Variants in CCDC149 observed in about 807,000 individuals in gnomAD.
CCDC149 encodes the protein coiled-coil domain containing 149.
In CCDC149, 45 loss-of-function variants were observed where a neutral mutation model predicts 59.9. That is an observed-to-expected ratio of 0.75 (90% confidence interval 0.59 to 0.96). The LOEUF is 0.96. CCDC149 is among the 40% of genes least tolerant of loss of function. CCDC149 has a pLI of 0.00. For missense variants in CCDC149, 584 were observed against 664.7 expected (o/e 0.88, Z 1.33); for synonymous variants, 245 against 260.6 (o/e 0.94, Z 0.58).
intron 1 of CCDC149, among the ~76,000 whole-genome samples, chr4:24,952,595 CAAAAAAAAAAAAAAAAA>C (rs869310845): frequency 7.2e-5 from 3 of 41,414 alleles, no homozygotes; most frequent in Non-Finnish European, 1.1e-4. Context: ...AACTCCATCT[CAAAAAAAAAAAAAAAAA>C]AAAAAAAAAA....
chr4:24,891,521 C>T (rs1720527823), intron 1 of CCDC149, among the ~76,000 whole-genome samples: 1 of 152,222 alleles, frequency 6.6e-6, no homozygotes, highest in Non-Finnish European at 1.5e-5. Context: ...TGACCACCAC[C>T]ATCATCACCT....
rs756727631 is a variant in CCDC149, at chr4:24,808,819, C to T, written c.1193G>A (p.Gly398Glu). Residue 398 changes from glycine to glutamate, a missense_variant and splice_region_variant, in exon 13 of 13, where the codon GGG becomes GAG. By Grantham distance (98) the Gly-to-Glu change is moderately conservative. Coordinates refer to ENST00000635206, the MANE Select transcript of CCDC149 (RefSeq NM_001330643.2). ...ATCTTCTTCTTGCTTCTGAGCCTCC[C>T]CTGAAAACAGAACGAGGACAACATT... is the stretch of plus-strand genomic sequence containing the variant. 3.2e-6 allele frequency: 5 copies of T among 1,544,328 alleles called. No homozygotes were observed. Among genetic ancestry groups the T allele is most frequent in the East Asian group, 2.4e-5 (1 of 40,866 alleles).
At position 24,831,630 on chromosome 4, in the gene CCDC149, C is replaced by G. The variant is rs1577390817; in HGVS notation, c.841G>C (p.Asp281His). 6.2e-7 allele frequency: 1 copy of G among 1,613,974 alleles called. No homozygotes were observed. Among genetic ancestry groups the G allele is most frequent in the African/African-American group, 1.3e-5 (1 of 75,010 alleles). Residue 281 changes from aspartate to histidine, a missense_variant, in exon 9 of 13, where the codon GAT becomes CAT. Coordinates refer to ENST00000635206, the MANE Select transcript of CCDC149 (RefSeq NM_001330643.2). ...GTAGCTGGGAGGCTGCATCCATGATCCTCAGATAGCAGATCCTGAACTAGA... is the reference window on the plus strand; with the variant it reads ...GTAGCTGGGAGGCTGCATCCATGATGCTCAGATAGCAGATCCTGAACTAGA...
At chr4:24,842,559 G>A (rs575549157) in intron 4 of CCDC149, among the ~76,000 whole-genome samples, 6 of 152,302 alleles carry the variant, frequency 3.9e-5, no homozygotes, top group South Asian at 2.1e-4. Context: ...ACCAATAGAC[G>A]CATTCAGTTG....
At chr4:24,831,279 G>C (rs751925245) in intron 9 of CCDC149, 73 of 527,950 alleles carry the variant, frequency 1.4e-4, no homozygotes, top group Middle Eastern at 1.0e-3. Context: ...GTAGCTCAGA[G>C]TAAGCATTCA....
chr4:24,859,451 G>A (rs1167346522), intron 3 of CCDC149, among the ~76,000 whole-genome samples: 2 of 152,034 alleles, frequency 1.3e-5, no homozygotes, highest in African/African-American at 2.4e-5. Flanking sequence ...ATACCTTAAG[G>A]TAATAAAAGC....
intron 1 of CCDC149, among the ~76,000 whole-genome samples, chr4:24,905,045 G>A (rs761893866): frequency 2.0e-5 from 3 of 151,988 alleles, no homozygotes; most frequent in Non-Finnish European, 4.4e-5. Context: ...GGGATTACAG[G>A]TGCACACCAC....
In CCDC149 at chr4:24,837,201, C is replaced by T. The variant is rs762091842; in HGVS notation, c.662+27G>A. 5.0e-6 allele frequency: 8 copies of T among 1,607,944 alleles called. No individual in the cohort carries two copies. In the East Asian group the frequency reaches 6.7e-5, roughly 13 times the overall value. On this transcript the variant is annotated intron_variant, in intron 6 of 12. Transcript: ENST00000635206. The surrounding 1 kb of genome is among the most constrained non-coding windows in gnomAD (Gnocchi z 4.3). ...CTGTGCAGAGCCAGCCTTCCTCCCACGCACAGGCCTGGGCCTGGCCACTTG... is the reference window on the plus strand; with the variant it reads ...CTGTGCAGAGCCAGCCTTCCTCCCATGCACAGGCCTGGGCCTGGCCACTTG...
intron 1 of CCDC149, among the ~76,000 whole-genome samples, chr4:24,944,232 AGTTCAT>A (rs919425124): frequency 2.0e-5 from 3 of 152,360 alleles, no homozygotes; most frequent in Admixed American, 1.3e-4. Context: ...AAAAATGATG[AGTTCAT>A]GTCCTTTGTA....
rs536796452 is a variant in CCDC149, at chr4:24,871,862, A to AT, written c.264+1818dup. 2.0e-5 allele frequency among the ~76,000 whole-genome samples: 3 copies of AT among 152,204 alleles called. No homozygotes were observed. In the South Asian group the frequency reaches 6.2e-4, roughly 32 times the overall value. ...ATCAGATTCTCCTTAGTCAATGTAAATTTTTTTTATTATAAAGCCACAGAA... is the reference window on the plus strand; with the variant it reads ...ATCAGATTCTCCTTAGTCAATGTAAATTTTTTTTTATTATAAAGCCACAGAA... On this transcript the variant is annotated intron_variant, in intron 3 of 12. Coordinates refer to ENST00000635206, the MANE Select transcript of CCDC149 (RefSeq NM_001330643.2).
At chr4:24,960,611 G>A (rs553916985) in intron 1 of CCDC149, among the ~76,000 whole-genome samples, 110 of 152,072 alleles carry the variant, frequency 7.2e-4, no homozygotes, top group Non-Finnish European at 9.7e-4. Flanking sequence ...GTGACTATAC[G>A]AATATCACAT....
intron 3 of CCDC149, among the ~76,000 whole-genome samples, chr4:24,864,851 A>G (rs1436962651): frequency 6.6e-6 from 1 of 152,180 alleles, no homozygotes; most frequent in Non-Finnish European, 1.5e-5. Context: ...TACAGTATTC[A>G]CAGAATGTAA....
At chr4:24,855,903 G>A (rs1296518936) in intron 3 of CCDC149, among the ~76,000 whole-genome samples, 2 of 152,244 alleles carry the variant, frequency 1.3e-5, no homozygotes, top group Non-Finnish European at 2.9e-5. Flanking sequence ...AGAGAGAAGA[G>A]GCTGCATTCT....
chr4:24,897,693 G>A (rs949702128), intron 1 of CCDC149, among the ~76,000 whole-genome samples: 7 of 152,196 alleles, frequency 4.6e-5, no homozygotes, highest in African/African-American at 1.7e-4. Flanking sequence ...ATGCTCTGAA[G>A]GCCAGAGAGG....
rs146344503 is a variant in CCDC149, at chr4:24,835,091, C to T, written c.736-59G>A. ...CAGAAAAGCCAACAATGGAAAAGTACCTAGCAGATGCCTTCTCTCATCGGC... is the reference window on the plus strand; with the variant it reads ...CAGAAAAGCCAACAATGGAAAAGTATCTAGCAGATGCCTTCTCTCATCGGC... On this transcript the variant is annotated intron_variant, in intron 7 of 12. Coordinates refer to ENST00000635206, the MANE Select transcript of CCDC149 (RefSeq NM_001330643.2). 393 of 1,179,452 alleles carry T rather than the reference C, an allele frequency of 3.3e-4. 1 individual carries two copies. The African/African-American group carries it at 5.2e-3, about 16-fold the overall frequency. The allele number at this position is 1,179,452 out of a possible 1,614,324, so 73.1% of individuals were successfully genotyped here.
At position 24,961,319 on chromosome 4, in the gene CCDC149, C is replaced by T. The variant is rs1177870136; in HGVS notation, c.-65+18750G>A. On this transcript the variant is annotated intron_variant, in intron 1 of 12. Transcript: ENST00000389609. Reference sequence around the variant, plus strand: ...GGACACTGACAAAAAAATAAAATACCTTTAAGAAAAGCATGCTCCGCTCAT... The same window carrying T: ...GGACACTGACAAAAAAATAAAATACTTTTAAGAAAAGCATGCTCCGCTCAT... Among the ~76,000 whole-genome samples the T allele has an allele frequency of 3.9e-5, 6 of 152,130 alleles. No individual in the cohort carries two copies. In the East Asian group the frequency reaches 9.6e-4, roughly 24 times the overall value.
At chr4:24,979,673 A>G (rs1328261521) in intron 1 of CCDC149, among the ~76,000 whole-genome samples, 2 of 152,348 alleles carry the variant, frequency 1.3e-5, no homozygotes, top group Non-Finnish European at 1.5e-5. Context: ...TGGGTAAGTC[A>G]TGTCATCATT....
intron 1 of CCDC149, among the ~76,000 whole-genome samples, chr4:24,919,784 A>G (rs1171639154): frequency 6.6e-6 from 1 of 152,254 alleles, no homozygotes; most frequent in East Asian, 1.9e-4. Context: ...GGATTGGGCC[A>G]GATGATCTTG....
At chr4:24,938,903 G>A (rs1722864578) in intron 1 of CCDC149, among the ~76,000 whole-genome samples, 1 of 152,236 alleles carries the variant, frequency 6.6e-6, no homozygotes, top group African/African-American at 2.4e-5. Context: ...CGGGAAGCTT[G>A]AACTGGGTGG....
Sources: gnomAD v4.1 joint callset for allele counts (sites outside exome capture counted in the v4.1 genomes callset) on GRCh38, gnomAD v4.1.1 for gene constraint, Gnocchi (gnomAD v3.1) non-coding constraint, MANE v1.5 for transcripts, NCBI Gene and HGNC (gene_info 2026-07-23, HGNC 2026-07-21) for gene names.